Variants in SEC24A observed in about 807,000 individuals in gnomAD.
SEC24A encodes SEC24 homolog A, COPII component, also known as protein transport protein Sec24A.
Under a neutral mutation model 129.4 loss-of-function variants are expected in SEC24A, and 93 were observed. The ratio of observed to expected loss-of-function variants is 0.72; its 90% CI spans 0.61 to 0.85. The LOEUF (loss-of-function observed/expected upper bound fraction) is 0.85, where lower values mean the gene tolerates loss of function less well. SEC24A is among the 40% of genes least tolerant of loss of function. The probability of loss-of-function intolerance (pLI) is 0.00; values close to 1 mark genes in which losing one functional copy is unlikely to be tolerated. For synonymous variants in SEC24A, 460 were observed against 467.3 expected, an observed-to-expected ratio of 0.98 and a Z score of 0.20; for missense variants, 1,264 against 1,307.4, an observed-to-expected ratio of 0.97 and a Z score of 0.51.
chr5:134,723,585 G>C lies in SEC24A; in HGVS notation c.3082G>C (p.Asp1028His), dbSNP rs1397632416. 6.2e-7 allele frequency: 1 copy of C among 1,612,284 alleles called. No homozygotes were observed. The highest frequency in any genetic ancestry group is 8.5e-7 in the Non-Finnish European group (1 of 1,178,518). Residue 1028 changes from aspartate to histidine, a missense_variant, in exon 22 of 23, where the codon GAT becomes CAT. By Grantham distance (81) the Asp-to-His change is moderately conservative (BLOSUM62 -1). Transcript: ENST00000398844. ...PQPMTDLPEL[D>H]TPESARIIAF... ...TTAACAGACAGACCTTCCAGAACTTGATACACCAGAATCTGCCAGAATAAT... is the reference window on the plus strand; with the variant it reads ...TTAACAGACAGACCTTCCAGAACTTCATACACCAGAATCTGCCAGAATAAT...
rs7718102 is a variant in SEC24A at position 134,671,850 on chromosome 5, A to G, written c.781A>G (p.Ser261Gly). 1.4e-3 allele frequency: 2,245 copies of G among 1,609,760 alleles called. 31 individuals carry two copies. The African/African-American group carries it at 0.027, about 19-fold the overall frequency. The part of the protein sequence containing the change: ...NTNNGSMVVH[S>G]SYDEIEGGGL... ...CAATAACGGATCTATGGTGGTCCAC[A>G]GTAGTTACGACGAGATTGAAGGAGG... The change falls in exon 4 of 23, where the codon AGT becomes GGT. Residue 261 changes from serine to glycine, a missense_variant. Coordinates refer to ENST00000398844, the MANE Select transcript of SEC24A (RefSeq NM_021982.3).
chr5:134,705,002 C>A (rs888620350), intron 16 of SEC24A, among the ~76,000 whole-genome samples: 2 of 149,838 alleles, frequency 1.3e-5, no homozygotes, highest in African/African-American at 4.9e-5. Flanking sequence ...ACGTTTGATA[C>A]TGTCTCTGCT....
At chr5:134,717,569 T>C (rs1415856114) in intron 19 of SEC24A, among the ~76,000 whole-genome samples, 1 of 151,658 alleles carries the variant, frequency 6.6e-6, no homozygotes, top group Non-Finnish European at 1.5e-5. Flanking sequence ...TTATTGGGAG[T>C]CACAGTAGCT....
At position 134,718,806 on chromosome 5, in the gene SEC24A, A is replaced by G. The variant is rs1026034558; in HGVS notation, c.2970+633A>G. 3.3e-5 allele frequency among the ~76,000 whole-genome samples: 5 copies of G among 152,040 alleles called. No homozygotes were observed. In the South Asian group the frequency reaches 1.0e-3, roughly 32 times the overall value. ...GACCAACATGGTGAAAATCTCTACTAAAAATACAAAGAAATTAACCGAGCG... is the reference window on the plus strand; with the variant it reads ...GACCAACATGGTGAAAATCTCTACTGAAAATACAAAGAAATTAACCGAGCG... On this transcript the variant is annotated intron_variant, in intron 20 of 22. Coordinates refer to ENST00000398844, the MANE Select transcript of SEC24A (RefSeq NM_021982.3).
rs904135557 is a variant in SEC24A, at chr5:134,710,061, G to A, written c.2727+1173G>A. ...ATTACAAGTGTGTGCCACTATATCC[G>A]ACTAATTTTGTATTTTTAGTAGAGA... On this transcript the variant is annotated intron_variant, in intron 18 of 22. Coordinates refer to ENST00000398844, the MANE Select transcript of SEC24A (RefSeq NM_021982.3). Among the ~76,000 whole-genome samples the A allele has an allele frequency of 5.3e-5, 8 of 151,074 alleles. No individual in the cohort carries two copies. The South Asian group carries it at 6.3e-4, about 12-fold the overall frequency.
chr5:134,726,617 T>C lies in SEC24A; in HGVS notation c.*1523T>C, dbSNP rs1044058857. 7 of 152,362 alleles carry C rather than the reference T, an allele frequency of 4.6e-5. No individual in the cohort carries two copies. The highest frequency in any genetic ancestry group is 1.4e-4 in the African/African-American group (6 of 41,444). The allele number at this position is 152,362 out of a possible 1,614,324, so 9.4% of individuals were successfully genotyped here. A position where few individuals can be genotyped will look rare whatever the true frequency, so the allele number is the denominator to read the frequency against. ...ATGAAAATATCTCCCTTAAGCAGTGTTAAGGTTGGTTTGCAGTGTGTAAGT... is the reference window on the plus strand; with the variant it reads ...ATGAAAATATCTCCCTTAAGCAGTGCTAAGGTTGGTTTGCAGTGTGTAAGT... On this transcript the variant is annotated 3_prime_UTR_variant, in exon 23 of 23. Transcript: ENST00000398844.
chr5:134,686,716 C>T lies in SEC24A; in HGVS notation c.1492-74C>T, dbSNP rs575554183. ...AAATAATGCTTTTTAAATTGTTTTG[C>T]TGTATGTGTACCCAGCAAATAAGTT... is the stretch of plus-strand genomic sequence containing the variant. On this transcript the variant is annotated intron_variant, in intron 9 of 22. Transcript: ENST00000398844. 55 of 752,256 alleles carry T rather than the reference C, an allele frequency of 7.3e-5. No individual in the cohort carries two copies. The African/African-American group carries it at 9.6e-4, about 13-fold the overall frequency. 46.6% of individuals were successfully genotyped at this position (752,256 alleles called of 1,614,324 possible). A position where few individuals can be genotyped will look rare whatever the true frequency, so the allele number is the denominator to read the frequency against.
Position 134,693,768 on chromosome 5 carries a change from C to T in SEC24A, c.1821C>T (p.Thr607=). 6.2e-7 allele frequency: 1 copy of T among 1,614,032 alleles called. No individual in the cohort carries two copies. The highest frequency in any genetic ancestry group is 8.5e-7 in the Non-Finnish European group (1 of 1,179,988). Residue 607 remains threonine, a synonymous_variant, in exon 13 of 23, where the codon ACC becomes ACT. Coordinates refer to ENST00000398844, the MANE Select transcript of SEC24A (RefSeq NM_021982.3). The part of the protein sequence containing the change: ...DLLKTLPQMF[T]KTLETQSALG... ...TGAAAACTTTGCCACAAATGTTTAC[C>T]AAGACTCTGGAGACCCAGAGTGCCT...
intron 19 of SEC24A, among the ~76,000 whole-genome samples, chr5:134,715,767 T>C (rs1752459074): frequency 6.6e-6 from 1 of 150,702 alleles, no homozygotes; most frequent in East Asian, 2.0e-4. Context: ...GACAGGTTGA[T>C]GGGTGCAGCA....
chr5:134,694,772 T>G, intron 13 of SEC24A, among the ~76,000 whole-genome samples: 1 of 144,196 alleles, frequency 6.9e-6, no homozygotes, highest in East Asian at 2.0e-4. Flanking sequence ...TGAGCCAAGA[T>G]CGCACCATTG....
At chr5:134,716,774 A>C (rs541886043) in intron 19 of SEC24A, among the ~76,000 whole-genome samples, 1 of 143,318 alleles carries the variant, frequency 7.0e-6, no homozygotes, top group African/African-American at 2.6e-5. Context: ...CTCCAGCCTG[A>C]GTGACAATAG....
chr5:134,686,828 T>A lies in SEC24A; in HGVS notation c.1530T>A (p.Phe510Leu). Residue 510 changes from phenylalanine (F) to leucine (L), a missense_variant, in exon 10 of 23, where the codon TTT becomes TTA. Physicochemically the swap from Phe to Leu is conservative, Grantham distance 22 (BLOSUM62 0). Transcript: ENST00000398844. ...PPQPPVYLFV[F>L]DVSHNAVETG... is the part of the protein sequence containing the mutation. ...AGCCTCCAGTGTATCTCTTTGTATT[T>A]GATGTGTCTCACAATGCAGTCGAAA... 6.2e-7 allele frequency: 1 copy of A among 1,610,500 alleles called. No homozygotes were observed. Among genetic ancestry groups the A allele is most frequent in the Non-Finnish European group, 8.5e-7 (1 of 1,178,510 alleles).
chr5:134,717,539 G>T (rs1265921139), intron 19 of SEC24A, among the ~76,000 whole-genome samples: 3 of 152,040 alleles, frequency 2.0e-5, no homozygotes, highest in Non-Finnish European at 4.4e-5. Flanking sequence ...AAGGAAACAA[G>T]ATCAGAAGTT....
intron 2 of SEC24A, among the ~76,000 whole-genome samples, chr5:134,665,703 C>CCCA (rs1212145345): frequency 6.6e-6 from 1 of 151,776 alleles, no homozygotes; most frequent in African/African-American, 2.4e-5. Context: ...ATTACAGGTG[C>CCCA]CCACCACCAC....
At chr5:134,662,513 A>T (rs1198403576) in intron 2 of SEC24A, among the ~76,000 whole-genome samples, 1 of 152,148 alleles carries the variant, frequency 6.6e-6, no homozygotes, top group Non-Finnish European at 1.5e-5. Context: ...AGACAGCCTC[A>T]AGTTTATGAA....
At chr5:134,657,222 CTT>C (rs1750281841) in intron 1 of SEC24A, among the ~76,000 whole-genome samples, 1 of 146,352 alleles carries the variant, frequency 6.8e-6, no homozygotes, top group South Asian at 2.1e-4. Flanking sequence ...ACAACCAAAA[CTT>C]ATATTTTGTA....
Position 134,669,252 on chromosome 5 carries a change from C to T in SEC24A, c.739+2256C>T, listed in dbSNP as rs554808140. ...TGCGATCTCGGCTCACCGCAACCTC[C>T]GCCTCCTGGGTTCAAGTGATTCTCC... On this transcript the variant is annotated intron_variant, in intron 3 of 22. Transcript: ENST00000398844. 8.5e-4 allele frequency among the ~76,000 whole-genome samples: 129 copies of T among 151,318 alleles called. 1 individual carries two copies. Among genetic ancestry groups the T allele is most frequent in the African/African-American group, 2.9e-3 (118 of 41,356 alleles).
At chr5:134,705,681 T>C (rs186815111) in intron 17 of SEC24A, among the ~76,000 whole-genome samples, 27 of 152,216 alleles carry the variant, frequency 1.8e-4, no homozygotes, top group Admixed American at 5.2e-4. Flanking sequence ...AATTGATAAT[T>C]CATTTGTTTT....
intron 4 of SEC24A, 33 bp downstream of exon 4, chr5:134,671,919 C>T (rs1561809011): frequency 1.6e-6 from 2 of 1,275,366 alleles, no homozygotes; most frequent in East Asian, 2.3e-5. Flanking sequence ...TTTTTAATCT[C>T]TTTTTTCTGA....
Sources: allele counts gnomAD v4.1 joint callset (sites outside exome capture counted in the v4.1 genomes callset), GRCh38; gene constraint gnomAD v4.1.1; transcripts MANE v1.5; gene names NCBI Gene and HGNC (gene_info 2026-07-23, HGNC 2026-07-21).